The following LARGE1 variants were observed in gnomAD, a reference collection of about 807,000 sequenced individuals.
LARGE1 encodes LARGE xylosyl- and glucuronyltransferase 1, also known as xylosyl- and glucuronyltransferase LARGE1.
A neutral mutation model predicts 87.6 loss-of-function variants in LARGE1; 43 were observed. The ratio of observed to expected loss-of-function variants is 0.49; its 90% CI spans 0.38 to 0.63. The LOEUF is 0.63. Among genes scored for constraint, LARGE1 ranks in the 30% least tolerant of loss-of-function variants. LARGE1 has a pLI of 0.00. For missense variants in LARGE1, 802 were observed against 1,000.2 expected (o/e 0.80, Z 2.67); for synonymous variants, 434 against 394.6 (o/e 1.10, Z -1.18).
At chr22:33,107,293 A>G in the LARGE1 span, among the ~76,000 whole-genome samples, 2,894 of 152,278 alleles carry the variant, frequency 0.019, 37 homozygotes, top group Middle Eastern at 0.078. Context: ...ACTGCATGCA[A>G]TGGCTCATGC....
the LARGE1 span, chr22:33,105,778 C>T: frequency 6.6e-6 from 1 of 152,238 alleles, no homozygotes; most frequent in Non-Finnish European, 1.5e-5. Flanking sequence ...TGGGAGCAGG[C>T]TCCTCTTCCT....
intron 5 of LARGE1, among the ~76,000 whole-genome samples, chr22:33,582,472 A>C (rs130420): frequency 0.45 from 67,712 of 152,020 alleles, 15,252 homozygotes; most frequent in Middle Eastern, 0.53. Context: ...CTCTTTAACC[A>C]CTACATATAA....
At chr22:33,249,594 C>T (rs1233246583) in intron 11 of LARGE1, among the ~76,000 whole-genome samples, 3 of 152,094 alleles carry the variant, frequency 2.0e-5, no homozygotes, top group Admixed American at 6.5e-5. Context: ...CCTTTGTTGT[C>T]GTATCTAAAA....
chr22:33,696,645 T>G (rs1383071151), intron 2 of LARGE1, among the ~76,000 whole-genome samples: 1 of 152,202 alleles, frequency 6.6e-6, no homozygotes, highest in East Asian at 1.9e-4. Context: ...TGCAACACAT[T>G]CTTACCAACA....
At chr22:33,281,599 A>T (rs922799510) in intron 13 of LARGE1, among the ~76,000 whole-genome samples, 9 of 152,240 alleles carry the variant, frequency 5.9e-5, no homozygotes, top group Non-Finnish European at 1.3e-4. Flanking sequence ...TGAGAATTAA[A>T]TATGTAATCA....
At chr22:33,394,745 ATG>A (rs2065666539) in intron 7 of LARGE1, among the ~76,000 whole-genome samples, 1 of 93,872 alleles carries the variant, frequency 1.1e-5, no homozygotes, top group African/African-American at 4.4e-5. Flanking sequence ...GTGTGTGTGT[ATG>A]TGTGTGTGTA....
intron 1 of LARGE1, among the ~76,000 whole-genome samples, chr22:33,860,723 C>T (rs1172100972): frequency 6.6e-6 from 1 of 152,190 alleles, no homozygotes; most frequent in Admixed American, 6.5e-5. Flanking sequence ...TCAGCGCTCA[C>T]CAGGGCAAAG....
At chr22:33,401,890 C>T (rs1206363924) in intron 7 of LARGE1, among the ~76,000 whole-genome samples, 3 of 152,206 alleles carry the variant, frequency 2.0e-5, no homozygotes, top group Non-Finnish European at 4.4e-5. Flanking sequence ...CATCTCTCAG[C>T]CCAGAACTGG....
intron 3 of LARGE1, among the ~76,000 whole-genome samples, chr22:33,646,693 T>C (rs1037956030): frequency 5.9e-5 from 9 of 152,204 alleles, no homozygotes; most frequent in Non-Finnish European, 1.3e-4. Context: ...ATCAATCCTA[T>C]GTGCTGCTCC....
chr22:33,586,295 C>G (rs190355056), intron 5 of LARGE1, among the ~76,000 whole-genome samples: 85 of 152,256 alleles, frequency 5.6e-4, no homozygotes, highest in Admixed American at 3.3e-3. Flanking sequence ...TTTGTGGGTG[C>G]TCTTCTACCT....
chr22:33,435,449 G>A (rs2067233642), intron 6 of LARGE1, among the ~76,000 whole-genome samples: 1 of 152,218 alleles, frequency 6.6e-6, no homozygotes, highest in African/African-American at 2.4e-5. Flanking sequence ...TGAACACACA[G>A]TAGGTGCTTA....
intron 6 of LARGE1, among the ~76,000 whole-genome samples, chr22:33,554,202 G>A (rs996106061): frequency 1.3e-5 from 2 of 151,940 alleles, no homozygotes; most frequent in Admixed American, 1.3e-4. Flanking sequence ...CAATCACACC[G>A]TGCCCAGTCT....
chr22:33,802,827 C>T (rs563188468), intron 1 of LARGE1, among the ~76,000 whole-genome samples: 36 of 152,176 alleles, frequency 2.4e-4, no homozygotes, highest in African/African-American at 8.4e-4. Context: ...CCCACCCAAC[C>T]AAATCCTTCC....
chr22:33,388,107 T>C (rs540159235), intron 7 of LARGE1, among the ~76,000 whole-genome samples: 4 of 152,360 alleles, frequency 2.6e-5, no homozygotes, highest in Admixed American at 1.3e-4. Flanking sequence ...CCCACTGTTA[T>C]GTCTTTAAGA....
chr22:33,235,203 T>G (rs1179820355), intron 11 of LARGE1, among the ~76,000 whole-genome samples: 3 of 152,186 alleles, frequency 2.0e-5, no homozygotes, highest in Non-Finnish European at 4.4e-5. Flanking sequence ...AGGTTTCTCC[T>G]GCATGCAGGT....
At chr22:33,187,494 G>A (rs1923537365) in intron 11 of LARGE1, among the ~76,000 whole-genome samples, 1 of 152,134 alleles carries the variant, frequency 6.6e-6, no homozygotes, top group Non-Finnish European at 1.5e-5. Flanking sequence ...GGATGGGAGT[G>A]AGGTGGGATG....
chr22:33,509,666 G>A (rs2070957356), intron 6 of LARGE1, among the ~76,000 whole-genome samples: 3 of 151,852 alleles, frequency 2.0e-5, no homozygotes, highest in Admixed American at 1.3e-4. Context: ...TGCCCAATCT[G>A]GTCTCAAACT....
chr22:33,479,767 CAG>C (rs1386568221), intron 6 of LARGE1, among the ~76,000 whole-genome samples: 8 of 141,298 alleles, frequency 5.7e-5, no homozygotes, highest in Non-Finnish European at 1.1e-4. Context: ...TTTTTTGAGA[CAG>C]AGTCTCACTT....
intron 6 of LARGE1, among the ~76,000 whole-genome samples, chr22:33,458,606 T>A (rs1448379064): frequency 6.6e-6 from 1 of 151,722 alleles, no homozygotes; most frequent in African/African-American, 2.4e-5. Context: ...TTTCGTATTT[T>A]TAGTAGAGAT....
Sources: gnomAD v4.1 joint callset for allele counts (sites outside exome capture counted in the v4.1 genomes callset) on GRCh38, gnomAD v4.1.1 for gene constraint, MANE v1.5 for transcripts, NCBI Gene and HGNC (gene_info 2026-07-23, HGNC 2026-07-21) for gene names.